Variants in GYG2 observed in about 807,000 individuals in gnomAD.
The protein encoded by GYG2 is glycogenin 2.
Under a neutral mutation model 29.4 loss-of-function variants are expected in GYG2, and 29 were observed. The observed-to-expected ratio is 0.99, with a 90% CI of 0.74 to 1.35. The LOEUF (loss-of-function observed/expected upper bound fraction) is 1.35, where lower values mean the gene tolerates loss of function less well. Ranked by LOEUF, GYG2 falls within the 40% of genes most tolerant of loss-of-function variation. The probability of loss-of-function intolerance (pLI) is 0.00; values close to 1 mark genes in which losing one functional copy is unlikely to be tolerated. For missense variants in GYG2, 370 were observed against 385.7 expected, an observed-to-expected ratio of 0.96 and a Z score of 0.34; for synonymous variants, 167 against 172.3, an observed-to-expected ratio of 0.97 and a Z score of 0.24.
chrX:2,829,954 C>A, intron 1 of GYG2, 107 bp from the exon 2 acceptor site: 1 of 411,055 alleles, frequency 2.4e-6, no homozygotes, highest in East Asian at 4.1e-5. Flanking sequence ...TCGGGGGAGG[C>A]AGGGGCCCCG....
chrX:2,848,184 G>A (rs1412654395), intron 3 of GYG2, among the ~76,000 whole-genome samples: 1 of 111,564 alleles, frequency 9.0e-6, no homozygotes, highest in Non-Finnish European at 1.9e-5. Flanking sequence ...GGGTTTGCAC[G>A]GGCTCGTCTC....
intron 3 of GYG2, among the ~76,000 whole-genome samples, chrX:2,845,997 A>G (rs1170150647): frequency 2.3e-5 from 2 of 88,090 alleles, no homozygotes; most frequent in East Asian, 7.1e-4. Flanking sequence ...ACATATATGT[A>G]TATATATACA....
Position 2,861,506 on chromosome X carries a change from G to T in GYG2, c.838-16G>T. ...GACATAGGGAAGACTCACTCCACGT[G>T]TGTGTTTTTGTGCAGCTTTGCCACA... On this transcript the variant is annotated splice_polypyrimidine_tract_variant and intron_variant, in intron 7 of 10. Coordinates refer to ENST00000398806, the MANE Select transcript of GYG2 (RefSeq NM_001079855.2). 3 of 1,178,235 alleles carry T rather than the reference G, an allele frequency of 2.5e-6. No homozygotes were observed. The highest frequency in any genetic ancestry group is 3.5e-6 in the Non-Finnish European group (3 of 866,483).
At chrX:2,834,292 C>T (rs12387509) in intron 2 of GYG2, among the ~76,000 whole-genome samples, 23,464 of 110,940 alleles carry the variant, frequency 0.21, 1,915 homozygotes, top group African/African-American at 0.3. Context: ...GTTGAAGCCC[C>T]GGTTTACTTG....
intron 10 of GYG2, among the ~76,000 whole-genome samples, chrX:2,879,095 A>G (rs1237313385): frequency 3.6e-5 from 4 of 111,043 alleles, no homozygotes; most frequent in African/African-American, 1.3e-4. Context: ...AATATAATAT[A>G]TGGGAATGAG....
At chrX:2,847,671 C>T (rs999625631) in intron 3 of GYG2, among the ~76,000 whole-genome samples, 42 of 107,532 alleles carry the variant, frequency 3.9e-4, no homozygotes, top group Middle Eastern at 4.8e-3. Flanking sequence ...CACCACTGTG[C>T]TCCAGCCTGG....
chrX:2,875,156 T>G (rs2088565275), intron 8 of GYG2, among the ~76,000 whole-genome samples: 1 of 112,111 alleles, frequency 8.9e-6, no homozygotes, highest in African/African-American at 3.2e-5. Context: ...CAAGGTATCC[T>G]CTACCCCATG....
At chrX:2,859,817 C>G in intron 6 of GYG2, 26 bp from the exon 7 acceptor site, 1 of 1,041,611 alleles carries the variant, frequency 9.6e-7, no homozygotes. Flanking sequence ...GAGTGGAAAT[C>G]AGAATCCCTT....
At chrX:2,866,844 A>T (rs866111520) in intron 8 of GYG2, among the ~76,000 whole-genome samples, 51 of 110,259 alleles carry the variant, frequency 4.6e-4, no homozygotes, top group African/African-American at 1.4e-3. Flanking sequence ...TTTTAAAAAA[A>T]AGTATGTTCA....
intron 3 of GYG2, among the ~76,000 whole-genome samples, chrX:2,844,972 A>T (rs754215474): frequency 4.1e-5 from 4 of 98,415 alleles, no homozygotes; most frequent in Non-Finnish European, 6.0e-5. Context: ...GTATATATTT[A>T]TATATACATG....
chrX:2,849,901 G>C (rs147439478), intron 3 of GYG2, among the ~76,000 whole-genome samples: 1,288 of 111,115 alleles, frequency 0.012, 36 homozygotes, highest in African/African-American at 0.04. Context: ...GATCGCTTGA[G>C]TTCAGGAGTT....
chrX:2,876,557 TG>T (rs992185807), intron 9 of GYG2, among the ~76,000 whole-genome samples: 7 of 111,663 alleles, frequency 6.3e-5, no homozygotes, highest in Non-Finnish European at 1.1e-4. Context: ...GTCTGAGACT[TG>T]GTGGATGGCT....
chrX:2,870,652 A>G (rs1007206348), intron 8 of GYG2, among the ~76,000 whole-genome samples: 1 of 112,317 alleles, frequency 8.9e-6, no homozygotes, highest in Non-Finnish European at 1.9e-5. Flanking sequence ...TCTGTTGTTA[A>G]ACCCACATTC....
chrX:2,831,616 C>T (rs2087265394), intron 2 of GYG2, among the ~76,000 whole-genome samples: 4 of 111,956 alleles, frequency 3.6e-5, no homozygotes, highest in Middle Eastern at 9.2e-3. Flanking sequence ...CCACACATTT[C>T]CCCAAGCCTG....
chrX:2,876,034 T>C (rs1442855863), intron 9 of GYG2, 120 bp downstream of exon 9: 5 of 9,159 alleles, frequency 5.5e-4, no homozygotes, highest in Admixed American at 2.4e-3. Flanking sequence ...AATTCCTCCC[T>C]TTTTTTTTTT....
At chrX:2,869,507 T>G (rs756135034) in intron 8 of GYG2, among the ~76,000 whole-genome samples, 3 of 112,182 alleles carry the variant, frequency 2.7e-5, no homozygotes, top group East Asian at 2.8e-4. Context: ...TTAGGGGAGC[T>G]GAAACACAGA....
intron 2 of GYG2, among the ~76,000 whole-genome samples, chrX:2,831,927 A>G (rs2087272678): frequency 8.9e-6 from 1 of 112,293 alleles, no homozygotes; most frequent in Non-Finnish European, 1.9e-5. Flanking sequence ...GCTGTGGTGC[A>G]GTGACAGGTT....
In GYG2 at chrX:2,856,963, TTATCTATCTATCTATCTATCTATC is replaced by T. The variant is rs71989016; in HGVS notation, c.614+364_614+387del. 1.4e-4 allele frequency among the ~76,000 whole-genome samples: 9 copies of T among 63,601 alleles called. No individual in the cohort carries two copies. In the South Asian group the frequency reaches 3.7e-3, roughly 26 times the overall value. The allele number at this position is 63,601 out of a possible 115,157, so 55.2% of individuals were successfully genotyped here. ...TACCTATATAGGCCTAGACATCTGT[TTATCTATCTATCTATCTATCTATC>T]TATCTATCTATCTATCTATCTATCC... is the stretch of plus-strand genomic sequence containing the variant. On this transcript the variant is annotated intron_variant, in intron 6 of 10. Transcript: ENST00000398806.
chrX:2,878,520 T>C (rs980859191), intron 10 of GYG2, among the ~76,000 whole-genome samples: 2 of 111,703 alleles, frequency 1.8e-5, no homozygotes, highest in African/African-American at 6.5e-5. Flanking sequence ...TCCTCCTTTT[T>C]TGGCCTCTCG....
Sources: gnomAD v4.1 joint callset for allele counts (sites outside exome capture counted in the v4.1 genomes callset) on GRCh38, gnomAD v4.1.1 for gene constraint, MANE v1.5 for transcripts, NCBI Gene and HGNC (gene_info 2026-07-23, HGNC 2026-07-21) for gene names.